The following LHFPL6 variants were observed in gnomAD, a reference collection of about 807,000 sequenced individuals.
The protein encoded by LHFPL6 is LHFPL tetraspan subfamily member 6.
Under a neutral mutation model 20.6 loss-of-function variants are expected in LHFPL6, and 9 were observed. That is an observed-to-expected ratio of 0.44 (90% CI 0.26 to 0.76). The LOEUF (loss-of-function observed/expected upper bound fraction) is 0.76. Ranked by LOEUF, LHFPL6 falls within the 30% of genes least tolerant of loss-of-function variation. The probability of loss-of-function intolerance (pLI) is 0.20; values close to 1 mark genes in which losing one functional copy is unlikely to be tolerated. For synonymous variants in LHFPL6, 105 were observed against 98.7 expected (o/e 1.06, Z -0.38); for missense variants, 218 against 253.5 (o/e 0.86, Z 0.95).
intron 2 of LHFPL6, among the ~76,000 whole-genome samples, chr13:39,400,932 T>A (rs942690099): frequency 6.1e-4 from 93 of 152,224 alleles, no homozygotes; most frequent in Non-Finnish European, 4.1e-4. Context: ...CAGTTTCAAC[T>A]ATTTTCAAGC....
At chr13:39,477,075 T>G (rs1174472241) in intron 2 of LHFPL6, among the ~76,000 whole-genome samples, 1 of 152,220 alleles carries the variant, frequency 6.6e-6, no homozygotes, top group Non-Finnish European at 1.5e-5. Flanking sequence ...GCACTCATTC[T>G]GTGATTTCTG....
At chr13:39,480,875 T>C (rs1432851025) in intron 2 of LHFPL6, among the ~76,000 whole-genome samples, 1 of 152,194 alleles carries the variant, frequency 6.6e-6, no homozygotes, top group Non-Finnish European at 1.5e-5. Flanking sequence ...CATCAGTATT[T>C]AATATTGAAA....
intron 2 of LHFPL6, among the ~76,000 whole-genome samples, chr13:39,500,364 G>A (rs994487124): frequency 3.9e-5 from 6 of 151,962 alleles, no homozygotes; most frequent in Non-Finnish European, 8.8e-5. Context: ...CATCATGCCT[G>A]GCTAATTTTT....
chr13:39,412,281 T>C (rs1336896878), intron 2 of LHFPL6, among the ~76,000 whole-genome samples: 1 of 152,186 alleles, frequency 6.6e-6, no homozygotes, highest in African/African-American at 2.4e-5. Context: ...ATCAGTGCAC[T>C]TTATTTGAAG....
intron 2 of LHFPL6, among the ~76,000 whole-genome samples, chr13:39,489,458 C>G (rs1445219335): frequency 6.6e-6 from 1 of 152,000 alleles, no homozygotes; most frequent in African/African-American, 2.4e-5. Context: ...CCTTCTTAAT[C>G]TTAAAATATA....
At position 39,569,128 on chromosome 13, in the gene LHFPL6, C is replaced by CGGAT. The variant is rs1157177445; in HGVS notation, c.385+31700_385+31703dup. ...GCACACAATAGAGGCTTAGTAAACA[C>CGGAT]GGATGGATGGATGGATGGATGGACG... On this transcript the variant is annotated intron_variant, in intron 2 of 3. Transcript: ENST00000379589. 3.7e-4 allele frequency among the ~76,000 whole-genome samples: 38 copies of CGGAT among 103,122 alleles called. 1 individual carries two copies. Among genetic ancestry groups the CGGAT allele is most frequent in the South Asian group, 2.4e-3 (6 of 2,490 alleles). The allele number at this position is 103,122 out of a possible 152,430, so 67.7% of individuals were successfully genotyped here.
chr13:39,436,771 T>C (rs917059181), intron 2 of LHFPL6, among the ~76,000 whole-genome samples: 19 of 152,252 alleles, frequency 1.2e-4, no homozygotes, highest in African/African-American at 4.3e-4. Flanking sequence ...CATTGATCAC[T>C]GTGTTTCCTG....
chr13:39,587,037 A>G (rs192208198), intron 2 of LHFPL6, among the ~76,000 whole-genome samples: 1 of 152,230 alleles, frequency 6.6e-6, no homozygotes, highest in East Asian at 1.9e-4. Flanking sequence ...TGCGCCTGTA[A>G]TCCCAGCTAC....
At chr13:39,355,627 G>C (rs1869705624) in intron 3 of LHFPL6, among the ~76,000 whole-genome samples, 1 of 152,206 alleles carries the variant, frequency 6.6e-6, no homozygotes, top group Non-Finnish European at 1.5e-5. Context: ...GCCATCTGCT[G>C]TCTTCAAGAG....
At chr13:39,408,154 A>C (rs1297508215) in intron 2 of LHFPL6, among the ~76,000 whole-genome samples, 3 of 152,256 alleles carry the variant, frequency 2.0e-5, no homozygotes, top group African/African-American at 7.2e-5. Context: ...AAAGTGTCAA[A>C]AACTATTGAA....
intron 2 of LHFPL6, among the ~76,000 whole-genome samples, chr13:39,539,777 C>T (rs1374513326): frequency 6.6e-6 from 1 of 152,170 alleles, no homozygotes. Context: ...TTCAAGATGA[C>T]ATTAGAAATA....
intron 2 of LHFPL6, among the ~76,000 whole-genome samples, chr13:39,573,242 A>G (rs2138532254): frequency 6.6e-6 from 1 of 152,270 alleles, no homozygotes; most frequent in East Asian, 1.9e-4. Context: ...AAATACTCCT[A>G]TTTCTACTAA....
At chr13:39,516,587 A>C (rs1869927203) in intron 2 of LHFPL6, among the ~76,000 whole-genome samples, 1 of 152,242 alleles carries the variant, frequency 6.6e-6, no homozygotes, top group Admixed American at 6.5e-5. Context: ...AACAAGGATG[A>C]CTGGATGTTA....
intron 2 of LHFPL6, among the ~76,000 whole-genome samples, chr13:39,498,749 A>G (rs1319483441): frequency 6.6e-6 from 1 of 152,256 alleles, no homozygotes; most frequent in Non-Finnish European, 1.5e-5. Flanking sequence ...AGTGAAGTCC[A>G]TAGTTCTACC....
intron 2 of LHFPL6, among the ~76,000 whole-genome samples, chr13:39,585,912 G>T (rs1872434160): frequency 6.6e-6 from 1 of 152,020 alleles, no homozygotes; most frequent in South Asian, 2.1e-4. Context: ...GTTATTGCAG[G>T]ATGCTTAACC....
At chr13:39,426,378 G>A (rs1871638846) in intron 2 of LHFPL6, among the ~76,000 whole-genome samples, 3 of 151,920 alleles carry the variant, frequency 2.0e-5, no homozygotes, top group East Asian at 1.9e-4. Context: ...GTGCCACCAC[G>A]CTTGGCTAAT....
intron 2 of LHFPL6, among the ~76,000 whole-genome samples, chr13:39,455,038 A>C (rs940509095): frequency 1.3e-5 from 2 of 152,274 alleles, no homozygotes; most frequent in African/African-American, 4.8e-5. Context: ...CAGGGAGAAG[A>C]AGCTGTCTTT....
At chr13:39,369,597 T>TCCTTCCCTCCCTC (rs763910245) in intron 3 of LHFPL6, among the ~76,000 whole-genome samples, 1 of 87,378 alleles carries the variant, frequency 1.1e-5, no homozygotes, top group African/African-American at 4.3e-5. Flanking sequence ...CTTCCTTCCT[T>TCCTTCCCTCCCTC]CCTCCCTCTC....
At chr13:39,375,885 G>GT (rs573797320) in intron 3 of LHFPL6, among the ~76,000 whole-genome samples, 2,027 of 149,134 alleles carry the variant, frequency 0.014, 51 homozygotes, top group African/African-American at 0.041. Context: ...GATGATGCCA[G>GT]TTTTTTTTTT....
Sources: allele counts gnomAD v4.1 joint callset (sites outside exome capture counted in the v4.1 genomes callset), GRCh38; gene constraint gnomAD v4.1.1; transcripts MANE v1.5; gene names NCBI Gene and HGNC (gene_info 2026-07-23, HGNC 2026-07-21).